The following MTMR2 variants were observed in gnomAD, a reference collection of about 807,000 sequenced individuals.
MTMR2 encodes the protein phosphatidylinositol-3,5-bisphosphate 3-phosphatase MTMR2.
In MTMR2, 55 loss-of-function variants were observed where a neutral mutation model predicts 86.9. The observed-to-expected ratio is 0.63, with a 90% CI of 0.51 to 0.79. MTMR2 has a LOEUF of 0.79. Ranked by LOEUF, MTMR2 falls within the 30% of genes least tolerant of loss-of-function variation. The probability of loss-of-function intolerance (pLI) is 0.00; values close to 1 mark genes in which losing one functional copy is unlikely to be tolerated. For synonymous variants in MTMR2, 241 were observed against 266.8 expected, an observed-to-expected ratio of 0.90 and a Z score of 0.94; for missense variants, 659 against 772.3, an observed-to-expected ratio of 0.85 and a Z score of 1.74.
intron 1 of MTMR2, 28 bp downstream of exon 1, chr11:95,923,847 T>C: frequency 6.5e-7 from 1 of 1,538,900 alleles, no homozygotes. Flanking sequence ...CTTCGGACGC[T>C]GGGCGGGGCC....
At chr11:95,853,721 C>T (rs573371194) in intron 7 of MTMR2, among the ~76,000 whole-genome samples, 302 of 152,174 alleles carry the variant, frequency 2.0e-3, no homozygotes, top group African/African-American at 6.7e-3. Context: ...TCTTTGGGAA[C>T]CTGGACTTTA....
chr11:95,896,227 T>C (rs537714448), intron 1 of MTMR2, among the ~76,000 whole-genome samples: 9 of 152,242 alleles, frequency 5.9e-5, no homozygotes, highest in South Asian at 2.1e-4. Context: ...GCCACTCTCA[T>C]AGCACTTTGT....
chr11:95,865,203 T>C (rs940353293), intron 3 of MTMR2, among the ~76,000 whole-genome samples: 1 of 152,160 alleles, frequency 6.6e-6, no homozygotes, highest in Non-Finnish European at 1.5e-5. Flanking sequence ...GAAGATATTT[T>C]AAGAAAAATT....
At chr11:95,892,698 G>A (rs1865754419) in intron 1 of MTMR2, among the ~76,000 whole-genome samples, 1 of 152,126 alleles carries the variant, frequency 6.6e-6, no homozygotes, top group African/African-American at 2.4e-5. Context: ...TGTCGCATAT[G>A]TTCATTACCA....
chr11:95,865,367 A>G, intron 3 of MTMR2: 1 of 508,650 alleles, frequency 2.0e-6, no homozygotes, highest in Non-Finnish European at 3.5e-6. Context: ...ACCAGAGAAG[A>G]GGCAAAGTAT....
At chr11:95,896,328 T>C (rs1002419575) in intron 1 of MTMR2, among the ~76,000 whole-genome samples, 2 of 151,926 alleles carry the variant, frequency 1.3e-5, no homozygotes, top group African/African-American at 4.8e-5. Flanking sequence ...TTTGGTTTTT[T>C]TTTTTGAGGC....
At chr11:95,856,862 A>G (rs1271700833) in intron 7 of MTMR2, among the ~76,000 whole-genome samples, 2 of 152,138 alleles carry the variant, frequency 1.3e-5, no homozygotes, top group South Asian at 2.1e-4. Flanking sequence ...TTGCTTAGTC[A>G]TCTTCTTCTG....
chr11:95,837,204 G>A (rs1863324001), intron 13 of MTMR2, among the ~76,000 whole-genome samples: 1 of 152,030 alleles, frequency 6.6e-6, no homozygotes, highest in African/African-American at 2.4e-5. Context: ...CTTTAAGGAA[G>A]TCTAGGAAAT....
At chr11:95,868,977 A>G (rs1864747612) in intron 2 of MTMR2, among the ~76,000 whole-genome samples, 1 of 151,910 alleles carries the variant, frequency 6.6e-6, no homozygotes, top group Non-Finnish European at 1.5e-5. Context: ...AGAAAAAAAT[A>G]TCTTAAACTG....
chr11:95,848,423 A>G (rs900719966), intron 9 of MTMR2, among the ~76,000 whole-genome samples: 1 of 152,182 alleles, frequency 6.6e-6, no homozygotes, highest in African/African-American at 2.4e-5. Context: ...TCTTTAAATA[A>G]AAAGACAGAA....
intron 5 of MTMR2, among the ~76,000 whole-genome samples, chr11:95,861,402 G>GTTGTTGTTATTA (rs1555064755): frequency 7.1e-6 from 1 of 140,978 alleles, no homozygotes; most frequent in African/African-American, 2.6e-5. Context: ...ATTAAAGATG[G>GTTGTTGTTATTA]TTATTATTAT....
chr11:95,896,428 C>T (rs914960271), intron 1 of MTMR2, among the ~76,000 whole-genome samples: 1 of 151,674 alleles, frequency 6.6e-6, no homozygotes, highest in Non-Finnish European at 1.5e-5. Flanking sequence ...TGATCCTCCC[C>T]GCTCAGGCTC....
At chr11:95,861,246 A>C (rs968530095) in intron 5 of MTMR2, among the ~76,000 whole-genome samples, 1 of 151,344 alleles carries the variant, frequency 6.6e-6, no homozygotes, top group Non-Finnish European at 1.5e-5. Context: ...TCCACTACGA[A>C]GTAGTGGAAC....
chr11:95,916,093 G>A (rs1188024720), intron 1 of MTMR2, among the ~76,000 whole-genome samples: 2 of 152,086 alleles, frequency 1.3e-5, no homozygotes, highest in Non-Finnish European at 2.9e-5. Flanking sequence ...TTCTATTTTG[G>A]TCATCGCATT....
intron 2 of MTMR2, among the ~76,000 whole-genome samples, chr11:95,873,367 TC>T (rs1474578453): frequency 1.3e-5 from 2 of 152,252 alleles, no homozygotes; most frequent in Admixed American, 6.5e-5. Context: ...TTTATCCATT[TC>T]TTCTAGATTT....
chr11:95,875,996 G>A (rs1865096108), intron 2 of MTMR2, among the ~76,000 whole-genome samples: 1 of 152,196 alleles, frequency 6.6e-6, no homozygotes, highest in Non-Finnish European at 1.5e-5. Flanking sequence ...CATGTGAGGT[G>A]TCAGTCTGCC....
intron 2 of MTMR2, among the ~76,000 whole-genome samples, chr11:95,883,042 G>A (rs547272168): frequency 8.6e-5 from 13 of 151,692 alleles, no homozygotes; most frequent in Admixed American, 5.9e-4. Flanking sequence ...CACCGCGCCC[G>A]GCCAAAAGAC....
At chr11:95,840,989 T>G (rs1049215811) in intron 12 of MTMR2, among the ~76,000 whole-genome samples, 1 of 152,182 alleles carries the variant, frequency 6.6e-6, no homozygotes, top group African/African-American at 2.4e-5. Context: ...AATGACCCGT[T>G]GCCTCATTAA....
intron 6 of MTMR2, among the ~76,000 whole-genome samples, chr11:95,857,879 T>C (rs879676041): frequency 1.3e-5 from 2 of 152,174 alleles, no homozygotes; most frequent in African/African-American, 2.4e-5. Context: ...CAACATATCA[T>C]TGTATTTCTT....
Sources: allele counts gnomAD v4.1 joint callset (sites outside exome capture counted in the v4.1 genomes callset), GRCh38; gene constraint gnomAD v4.1.1; transcripts MANE v1.5; gene names NCBI Gene and HGNC (gene_info 2026-07-23, HGNC 2026-07-21).